Variants in DPH6 observed in about 807,000 individuals in gnomAD.
DPH6 encodes diphthamine biosynthesis 6.
In DPH6, 33 loss-of-function variants were observed where a neutral mutation model predicts 38.2. That is an observed-to-expected ratio of 0.86 (90% confidence interval 0.65 to 1.15). DPH6 has a LOEUF of 1.15. DPH6 is among the 50% of genes most tolerant of loss of function. The pLI is 0.00. For synonymous variants in DPH6, 108 were observed against 103.0 expected (o/e 1.05, Z -0.30); for missense variants, 325 against 320.0 (o/e 1.02, Z -0.12).
intron 3 of DPH6, among the ~76,000 whole-genome samples, chr15:35,232,045 T>A (rs1027194372): frequency 1.3e-5 from 2 of 152,086 alleles, no homozygotes; most frequent in African/African-American, 2.4e-5. Context: ...ACTGTATCAG[T>A]ATTACTGGGA....
At chr15:35,344,693 G>GT (rs146511480) in intron 3 of DPH6, among the ~76,000 whole-genome samples, 5,186 of 151,860 alleles carry the variant, frequency 0.034, 253 homozygotes, top group African/African-American at 0.11. Context: ...AAAATAAAAA[G>GT]TAGGTAACTG....
chr15:35,481,849 G>T (rs1194434694), intron 3 of DPH6, among the ~76,000 whole-genome samples: 1 of 151,968 alleles, frequency 6.6e-6, no homozygotes, highest in Non-Finnish European at 1.5e-5. Context: ...AATAATAAAA[G>T]GCTATAAAAG....
intron 3 of DPH6, among the ~76,000 whole-genome samples, chr15:35,353,740 T>G (rs1404741314): frequency 6.6e-6 from 1 of 152,186 alleles, no homozygotes; most frequent in Non-Finnish European, 1.5e-5. Flanking sequence ...TTCTTTTGGC[T>G]TAGGATTGAC....
At chr15:35,373,689 T>A in intron 7 of DPH6, 81 bp from the exon 8 acceptor site, 1 of 1,072,284 alleles carries the variant, frequency 9.3e-7, no homozygotes, top group Non-Finnish European at 1.3e-6. Context: ...TAGAAGAGAC[T>A]AAACATTCTT....
chr15:35,477,969 G>A (rs966456170), intron 3 of DPH6, among the ~76,000 whole-genome samples: 6 of 151,806 alleles, frequency 4.0e-5, no homozygotes, highest in African/African-American at 1.4e-4. Context: ...TGGTCCTTCC[G>A]GTAATTTTTC....
At chr15:35,195,142 C>G in the DPH6 span, among the ~76,000 whole-genome samples, 22 of 152,244 alleles carry the variant, frequency 1.4e-4, no homozygotes, top group African/African-American at 4.3e-4. Flanking sequence ...TTTTTTAGTT[C>G]TGGCATATGA....
chr15:35,410,931 A>G, intron 5 of DPH6, 35 bp from the exon 6 acceptor site: 1 of 1,581,480 alleles, frequency 6.3e-7, no homozygotes, highest in South Asian at 1.1e-5. Context: ...AAAGATAACT[A>G]TCAGATAGGA....
intron 5 of DPH6, among the ~76,000 whole-genome samples, chr15:35,423,811 C>A (rs76843777): frequency 0.035 from 5,299 of 151,704 alleles, 313 homozygotes; most frequent in African/African-American, 0.12. Context: ...TTCCTGGCAC[C>A]ATTTATTGAA....
chr15:35,160,031 C>A, the DPH6 span, among the ~76,000 whole-genome samples: 2 of 151,932 alleles, frequency 1.3e-5, no homozygotes, highest in African/African-American at 2.4e-5. Flanking sequence ...AAACAATAGA[C>A]TGGAGAATAC....
chr15:35,345,263 G>T (rs1195020655), intron 3 of DPH6, among the ~76,000 whole-genome samples: 2 of 151,782 alleles, frequency 1.3e-5, no homozygotes, highest in Non-Finnish European at 3.0e-5. Flanking sequence ...TTAATTCTAA[G>T]AACATCTCTG....
intron 6 of DPH6, among the ~76,000 whole-genome samples, chr15:35,406,120 G>T (rs1256137089): frequency 6.6e-6 from 1 of 152,010 alleles, no homozygotes; most frequent in Admixed American, 6.6e-5. Flanking sequence ...GCAGCTCAAA[G>T]AAAGCTTATT....
chr15:35,187,780 G>T, the DPH6 span, among the ~76,000 whole-genome samples: 1 of 152,142 alleles, frequency 6.6e-6, no homozygotes, highest in Non-Finnish European at 1.5e-5. Flanking sequence ...GAGCCCAGAA[G>T]TTCAAGACCA....
At chr15:35,250,638 A>C (rs1046474602) in intron 3 of DPH6, among the ~76,000 whole-genome samples, 1 of 152,170 alleles carries the variant, frequency 6.6e-6, no homozygotes, top group Non-Finnish European at 1.5e-5. Flanking sequence ...ATATACCCAA[A>C]CCATTAATTA....
At chr15:35,276,801 A>G (rs977189008) in intron 3 of DPH6, among the ~76,000 whole-genome samples, 7 of 152,116 alleles carry the variant, frequency 4.6e-5, no homozygotes, top group African/African-American at 1.2e-4. Flanking sequence ...GCCTATTTTT[A>G]TACAGTACCA....
At chr15:35,365,245 C>G (rs1468130043) in intron 3 of DPH6, among the ~76,000 whole-genome samples, 7 of 152,056 alleles carry the variant, frequency 4.6e-5, no homozygotes, top group African/African-American at 1.7e-4. Flanking sequence ...AGTGAGGCAA[C>G]TTTCTCATGA....
At chr15:35,160,700 G>C in the DPH6 span, among the ~76,000 whole-genome samples, 2,503 of 151,992 alleles carry the variant, frequency 0.016, 61 homozygotes, top group African/African-American at 0.058. Context: ...GTGAGAACCT[G>C]TGGTATTTGG....
chr15:35,518,495 GT>G (rs936215887), intron 3 of DPH6, among the ~76,000 whole-genome samples: 1 of 151,822 alleles, frequency 6.6e-6, no homozygotes, highest in Non-Finnish European at 1.5e-5. Flanking sequence ...GTTTTGTTTT[GT>G]TTTTTTGAGT....
the DPH6 span, among the ~76,000 whole-genome samples, chr15:35,212,045 T>C: frequency 1.3e-5 from 2 of 152,230 alleles, no homozygotes; most frequent in Non-Finnish European, 2.9e-5. Context: ...TAATTAATGA[T>C]AAAATATCTG....
At chr15:35,545,412 G>C (rs752814365) in intron 1 of DPH6, among the ~76,000 whole-genome samples, 2 of 152,232 alleles carry the variant, frequency 1.3e-5, no homozygotes, top group Non-Finnish European at 2.9e-5. Flanking sequence ...ACGGAGTATA[G>C]GGTAAGGTCA....
Sources: allele counts gnomAD v4.1 joint callset (sites outside exome capture counted in the v4.1 genomes callset), GRCh38; gene constraint gnomAD v4.1.1; transcripts MANE v1.5; gene names NCBI Gene and HGNC (gene_info 2026-07-23, HGNC 2026-07-21).